AKIP1: variants seen among roughly 807,000 people sequenced by gnomAD.
AKIP1 encodes the protein A-kinase interacting protein 1, also known as A-kinase-interacting protein 1.
AKIP1 carries 18 observed loss-of-function variants against 22.3 expected under a neutral mutation model. That is an observed-to-expected ratio of 0.81 (90% CI 0.56 to 1.19). The LOEUF (loss-of-function observed/expected upper bound fraction) is 1.19. Among genes scored for constraint, AKIP1 ranks in the 50% most tolerant of loss-of-function variants. AKIP1 has a pLI of 0.00. For synonymous variants in AKIP1, 120 were observed against 102.7 expected, an observed-to-expected ratio of 1.17 and a Z score of -1.02; for missense variants, 287 against 264.6, an observed-to-expected ratio of 1.08 and a Z score of -0.59.
Position 8,911,189 on chromosome 11 carries a change from A to C in AKIP1, c.-41A>C. On this transcript the variant is annotated 5_prime_UTR_variant, in exon 1 of 6. Transcript: ENST00000309377. ...TAGGCCTGGTCCCTCTTCCTAGAAT[A>C]GCGTTGCGCGCATGCGCCTTGACGA... The C allele has an allele frequency of 2.1e-6, 1 of 483,462 alleles. No individual in the cohort carries two copies. The highest frequency in any genetic ancestry group is 3.7e-6 in the Non-Finnish European group (1 of 272,772). The allele number at this position is 483,462 out of a possible 1,614,324, so 29.9% of individuals were successfully genotyped here.
intron 4 of AKIP1, 75 bp downstream of exon 4, chr11:8,915,005 C>A: frequency 2.5e-6 from 3 of 1,180,524 alleles, no homozygotes; most frequent in Non-Finnish European, 3.7e-6. Flanking sequence ...AGAGCCCCTG[C>A]TAGACTTTGT....
At position 8,919,957 on chromosome 11, in the gene AKIP1, AGGGT is replaced by A. The variant is rs1480295644; in HGVS notation, c.*479_*482del. ...CGGCCTCAGTGCCTTTTTTAACTTG[AGGGT>A]GTAGAGGTCCTCCACGCTTGTTTGC... On this transcript the variant is annotated 3_prime_UTR_variant, in exon 6 of 6. Transcript: ENST00000309377. The A allele has an allele frequency of 6.2e-6, 1 of 161,372 alleles. No individual in the cohort carries two copies. Among genetic ancestry groups the A allele is most frequent in the Non-Finnish European group, 1.4e-5 (1 of 74,002 alleles). 10.0% of individuals were successfully genotyped at this position (161,372 alleles called of 1,614,324 possible).
chr11:8,911,669 G>T lies in AKIP1; in HGVS notation c.220G>T (p.Glu74Ter). 1 of 1,547,486 alleles carries T rather than the reference G, an allele frequency of 6.5e-7. No homozygotes were observed. Among genetic ancestry groups the T allele is most frequent in the South Asian group, 1.2e-5 (1 of 80,356 alleles). Residue 74 changes from glutamate (E) to a stop codon, truncating the protein, a stop_gained and splice_region_variant, in exon 2 of 6, where the codon GAG (glutamate) becomes TAG (stop). Transcript: ENST00000309377. LOFTEE classifies it high-confidence loss of function. ...CGGCCCGCAGCGCGTTCTCCCGGGA[G>T]AGGTGAGGGTCGCTGTGCCGGGGGC... ...AAGPQRVLPG[E>*]REERPPTLSA...
At chr11:8,913,394 G>T (rs2064430458) in intron 3 of AKIP1, among the ~76,000 whole-genome samples, 2 of 151,692 alleles carry the variant, frequency 1.3e-5, no homozygotes, top group Non-Finnish European at 1.5e-5. Context: ...CACCATGTTG[G>T]CCAGGCTGCT....
chr11:8,917,227 C>G, intron 4 of AKIP1, 60 bp from the exon 5 acceptor site: 1 of 1,198,694 alleles, frequency 8.3e-7, no homozygotes, highest in Non-Finnish European at 1.2e-6. Flanking sequence ...AAGAGAACTT[C>G]TCTTTACAAT....
At position 8,919,926 on chromosome 11, in the gene AKIP1, C is replaced by T. The variant is rs1251289782; in HGVS notation, c.*446C>T. 6.7e-5 allele frequency: 11 copies of T among 163,544 alleles called. 1 individual carries two copies. The highest frequency in any genetic ancestry group is 3.6e-4 in the South Asian group (2 of 5,610). 10.1% of individuals were successfully genotyped at this position (163,544 alleles called of 1,614,324 possible). A position where few individuals can be genotyped will look rare whatever the true frequency, so the allele number is the denominator to read the frequency against. On this transcript the variant is annotated 3_prime_UTR_variant, in exon 6 of 6. Transcript: ENST00000309377. ...TGTTGGGATTACAGGCGTGAGCCAC[C>T]GCGCCCGGCCTCAGTGCCTTTTTTA...
intron 4 of AKIP1, among the ~76,000 whole-genome samples, chr11:8,916,843 T>C (rs756934934): frequency 6.6e-6 from 1 of 152,118 alleles, no homozygotes; most frequent in Non-Finnish European, 1.5e-5. Flanking sequence ...AAATGTAAGT[T>C]CCCTCTAAGG....
intron 4 of AKIP1, among the ~76,000 whole-genome samples, chr11:8,915,161 C>T (rs544790505): frequency 1.3e-5 from 2 of 152,184 alleles, no homozygotes; most frequent in South Asian, 2.1e-4. Context: ...TTTAGTTGAA[C>T]CTGCAGTCCT....
chr11:8,914,669 G>C (rs2064450563), intron 3 of AKIP1, among the ~76,000 whole-genome samples, 157 bp from the exon 4 acceptor site: 1 of 152,190 alleles, frequency 6.6e-6, no homozygotes, highest in Non-Finnish European at 1.5e-5. Flanking sequence ...GTGGGCTAAG[G>C]TTTGTTGCAT....
chr11:8,917,664 G>C (rs1437871711), intron 5 of AKIP1: 1 of 457,102 alleles, frequency 2.2e-6, no homozygotes, highest in Admixed American at 3.6e-5. Context: ...CTGGCACTGG[G>C]TCCTGCTGGA....
At chr11:8,911,771 C>T (rs2064359483) in intron 2 of AKIP1, 100 bp downstream of exon 2, 2 of 1,190,250 alleles carry the variant, frequency 1.7e-6, no homozygotes, top group Non-Finnish European at 2.3e-6. Flanking sequence ...GGAAACCTTC[C>T]CTTAGCGGAA....
chr11:8,917,408 T>G (rs763303932), intron 5 of AKIP1, 41 bp downstream of exon 5: 53 of 1,448,344 alleles, frequency 3.7e-5, no homozygotes, highest in Non-Finnish European at 1.1e-5. Flanking sequence ...TCACCACCGT[T>G]GCAACTCCAT....
At chr11:8,916,784 G>C (rs2064492273) in intron 4 of AKIP1, among the ~76,000 whole-genome samples, 1 of 152,068 alleles carries the variant, frequency 6.6e-6, no homozygotes, top group Non-Finnish European at 1.5e-5. Context: ...GACCCTAAAG[G>C]GTGCACTTAG....
intron 5 of AKIP1, 33 bp from the exon 6 acceptor site, chr11:8,919,304 C>A (rs1248221172): frequency 6.3e-7 from 1 of 1,599,920 alleles, no homozygotes; most frequent in Non-Finnish European, 8.5e-7. Flanking sequence ...GGTATAAAAT[C>A]TCTAAACTGC....
Position 8,912,299 on chromosome 11 carries a change from T to G in AKIP1, c.223-154T>G, listed in dbSNP as rs570617599. Among the ~76,000 whole-genome samples, 19 of 152,292 alleles carry G rather than the reference T, an allele frequency of 1.2e-4. 1 individual carries two copies. The South Asian group carries it at 3.9e-3, about 32-fold the overall frequency. ...TCCTGGATAAATTGCATGTCTATCT[T>G]TTAGAGTTGGAATTCTTTCTCAATA... is the stretch of plus-strand genomic sequence containing the variant. On this transcript the variant is annotated intron_variant, in intron 2 of 5. Coordinates refer to ENST00000309377, the MANE Select transcript of AKIP1 (RefSeq NM_020642.4).
At position 8,919,792 on chromosome 11, in the gene AKIP1, A is replaced by C; in HGVS notation, c.*312A>C. The C allele has an allele frequency of 4.6e-6, 1 of 215,904 alleles. No homozygotes were observed. The highest frequency in any genetic ancestry group is 9.2e-6 in the Non-Finnish European group (1 of 108,120). The allele number at this position is 215,904 out of a possible 1,614,324, so 13.4% of individuals were successfully genotyped here. ...GCTGGCACTACAGGCACCCGCCACC[A>C]TGCCCGGCTATTTTTTTTGTATTTT... On this transcript the variant is annotated 3_prime_UTR_variant, in exon 6 of 6. Transcript: ENST00000309377.
intron 3 of AKIP1, 37 bp from the exon 4 acceptor site, chr11:8,914,789 A>G (rs907842920): frequency 5.9e-6 from 9 of 1,516,896 alleles, no homozygotes; most frequent in African/African-American, 1.4e-5. Context: ...TGACAAGACA[A>G]TTTGGTTAGC....
chr11:8,914,592 C>T (rs2064449223), intron 3 of AKIP1, among the ~76,000 whole-genome samples: 2 of 152,162 alleles, frequency 1.3e-5, no homozygotes, highest in Non-Finnish European at 2.9e-5. Context: ...AGCGTTCTTG[C>T]CCTATGGAGG....
chr11:8,912,616 G>GTCCA, intron 3 of AKIP1, 83 bp downstream of exon 3: 1 of 1,246,200 alleles, frequency 8.0e-7, no homozygotes, highest in Non-Finnish European at 1.2e-6. Flanking sequence ...CGGAGAATCT[G>GTCCA]GACACTACCT....
Sources: allele counts gnomAD v4.1 joint callset (sites outside exome capture counted in the v4.1 genomes callset), GRCh38; gene constraint gnomAD v4.1.1; transcripts MANE v1.5; gene names NCBI Gene and HGNC (gene_info 2026-07-23, HGNC 2026-07-21).